Variants in PCDHGB4 observed in about 807,000 individuals in gnomAD.
PCDHGB4 encodes the protein protocadherin gamma-B4.
In PCDHGB4, 38 loss-of-function variants were observed where a neutral mutation model predicts 60.5. The ratio of observed to expected loss-of-function variants is 0.63; its 90% CI spans 0.48 to 0.82. PCDHGB4 has a LOEUF of 0.82. PCDHGB4 is among the 40% of genes least tolerant of loss of function. The pLI, the probability that PCDHGB4 is intolerant of heterozygous loss-of-function variation, is 0.00. For missense variants in PCDHGB4, 1,109 were observed against 1,209.6 expected (o/e 0.92, Z 1.23); for synonymous variants, 456 against 509.7 (o/e 0.89, Z 1.42).
chr5:141,419,877 C>G (rs1272137716), intron 1 of PCDHGB4: 24 of 1,614,062 alleles, frequency 1.5e-5, no homozygotes, highest in Non-Finnish European at 1.9e-5. Flanking sequence ...GAGGTACTGC[C>G]GGATTTCAGC....
At chr5:141,438,710 G>C (rs568772648) in intron 1 of PCDHGB4, among the ~76,000 whole-genome samples, 2 of 147,308 alleles carry the variant, frequency 1.4e-5, no homozygotes, top group South Asian at 4.3e-4. Context: ...ACCCAGGCTG[G>C]AGTGCAAGTG....
chr5:141,396,626 A>G (rs1273835228), intron 1 of PCDHGB4: 1 of 152,182 alleles, frequency 6.6e-6, no homozygotes, highest in African/African-American at 2.4e-5. Flanking sequence ...TCTCAAAAAA[A>G]AAAAAAACTA....
chr5:141,482,890 G>C (rs577635020), intron 1 of PCDHGB4, among the ~76,000 whole-genome samples: 10 of 152,274 alleles, frequency 6.6e-5, no homozygotes, highest in African/African-American at 2.4e-4. Flanking sequence ...TGGCCAACAT[G>C]GTGAAACCTC....
At chr5:141,415,562 CT>C in intron 1 of PCDHGB4, 3 of 1,613,960 alleles carry the variant, frequency 1.9e-6, no homozygotes, top group Non-Finnish European at 1.7e-6. Context: ...GATCCTTTGT[CT>C]TTGTTAGATG....
intron 3 of PCDHGB4, among the ~76,000 whole-genome samples, chr5:141,506,485 A>C (rs2154593953): frequency 6.6e-6 from 1 of 150,572 alleles, no homozygotes; most frequent in East Asian, 2.0e-4. Flanking sequence ...CTTTAGAGGC[A>C]GGCCAATCTG....
At chr5:141,503,309 A>G (rs2099819130) in intron 2 of PCDHGB4, among the ~76,000 whole-genome samples, 1 of 152,034 alleles carries the variant, frequency 6.6e-6, no homozygotes, top group Non-Finnish European at 1.5e-5. Flanking sequence ...TCAAGAAAGA[A>G]TTGTTGGAGG....
intron 1 of PCDHGB4, chr5:141,399,730 T>G: frequency 2.5e-6 from 4 of 1,613,266 alleles, no homozygotes; most frequent in Non-Finnish European, 8.5e-7. Context: ...CGACCAGGGC[T>G]CGCCTGCGCT....
chr5:141,450,675 CG>C (rs2098689980), intron 1 of PCDHGB4, among the ~76,000 whole-genome samples: 1 of 151,614 alleles, frequency 6.6e-6, no homozygotes, highest in Non-Finnish European at 1.5e-5. Flanking sequence ...TTAGTAGAAA[CG>C]GGGTTTTGCC....
At chr5:141,409,847 C>T (rs2095325421) in intron 1 of PCDHGB4, 3 of 1,611,712 alleles carry the variant, frequency 1.9e-6, no homozygotes, top group East Asian at 2.2e-5. Context: ...CGTGAGCCTG[C>T]GCGTGTTGGT....
rs191188858 is a variant in PCDHGB4, at chr5:141,472,077, A to G, written c.2398-22730A>G. On this transcript the variant is annotated intron_variant, in intron 1 of 3. Transcript: ENST00000519479. ...GATTGACATGTCTGTGGTTATATCA[A>G]TGAGTACTATTATTATTCCCATTTT... 2.4e-3 allele frequency among the ~76,000 whole-genome samples: 365 copies of G among 152,346 alleles called. 2 individuals carry two copies. Among genetic ancestry groups the G allele is most frequent in the African/African-American group, 8.4e-3 (351 of 41,580 alleles).
rs933819691 is a variant in PCDHGB4, at chr5:141,388,021, T to G, written c.137T>G (p.Val46Gly). 1 of 1,457,968 alleles carries G rather than the reference T, an allele frequency of 6.9e-7. No homozygotes were observed. Among genetic ancestry groups the G allele is most frequent in the Non-Finnish European group, 9.3e-7 (1 of 1,075,586 alleles). 90.3% of individuals were successfully genotyped at this position (1,457,968 alleles called of 1,614,324 possible). A position where few individuals can be genotyped will look rare whatever the true frequency, so the allele number is the denominator to read the frequency against. Reference protein sequence around the residue: ...RIPEEMPKGSVVGNLATDLGF... With the variant: ...RIPEEMPKGSGVGNLATDLGF... ...CCCGAGGAAATGCCCAAGGGCTCCG[T>G]AGTGGGGAACCTCGCCACGGACCTG... Residue 46 changes from valine (V) to glycine (G), a missense_variant, in exon 1 of 4, where the codon GTA (valine) becomes GGA (glycine). Val to Gly is a moderately radical substitution (Grantham distance 109, BLOSUM62 -3). This residue lies in a region of PCDHGB4 where 41 missense variants were observed against 119.7 expected (regional missense o/e 0.34). Coordinates refer to ENST00000519479, the MANE Select transcript of PCDHGB4 (RefSeq NM_003736.4).
intron 1 of PCDHGB4, among the ~76,000 whole-genome samples, chr5:141,473,965 A>C (rs925515548): frequency 1.1e-4 from 16 of 152,206 alleles, no homozygotes; most frequent in African/African-American, 3.9e-4. Flanking sequence ...TCTACTTAGA[A>C]GTCTGAGGCG....
At chr5:141,507,450 CAGAG>C (rs940460926) in intron 3 of PCDHGB4, among the ~76,000 whole-genome samples, 1 of 152,170 alleles carries the variant, frequency 6.6e-6, no homozygotes, top group African/African-American at 2.4e-5. Flanking sequence ...GACGGAAGGA[CAGAG>C]AGAGAGGTGG....
rs1389786201 is a variant in PCDHGB4, at chr5:141,486,949, G to A, written c.2398-7858G>A. 4 of 1,614,224 alleles carry A rather than the reference G, an allele frequency of 2.5e-6. No individual in the cohort carries two copies. Among genetic ancestry groups the A allele is most frequent in the African/African-American group, 2.7e-5 (2 of 75,064 alleles). ...TTGGTGCTGGCCACCTAATCACAAA[G>A]GTGACTGCTGTGGACTTGGATTCAG... On this transcript the variant is annotated intron_variant, in intron 1 of 3. Coordinates refer to ENST00000519479, the MANE Select transcript of PCDHGB4 (RefSeq NM_003736.4). The surrounding 1 kb of genome is among the most constrained non-coding windows in gnomAD (Gnocchi z 5.0).
At chr5:141,425,111 A>C (rs2096857405) in intron 1 of PCDHGB4, among the ~76,000 whole-genome samples, 1 of 152,144 alleles carries the variant, frequency 6.6e-6, no homozygotes, top group Non-Finnish European at 1.5e-5. Flanking sequence ...AGATGCCTAC[A>C]TTTTTCTTGA....
At chr5:141,510,627 G>C (rs2099881988) in intron 3 of PCDHGB4, among the ~76,000 whole-genome samples, 2 of 152,090 alleles carry the variant, frequency 1.3e-5, no homozygotes, top group South Asian at 2.1e-4. Context: ...AACCAGAAGA[G>C]GTGGTTACCA....
chr5:141,510,239 C>T (rs2099880022), intron 3 of PCDHGB4, among the ~76,000 whole-genome samples: 1 of 150,434 alleles, frequency 6.6e-6, no homozygotes, highest in Non-Finnish European at 1.5e-5. Flanking sequence ...CGCCACTGCA[C>T]TCCAGGCTGG....
intron 1 of PCDHGB4, chr5:141,428,251 T>C (rs761574102): frequency 1.1e-5 from 10 of 893,496 alleles, no homozygotes; most frequent in Middle Eastern, 2.1e-4. Flanking sequence ...ACTGCCAGAC[T>C]TCAGTGACAG....
At chr5:141,406,650 C>T (rs2094835563) in intron 1 of PCDHGB4, among the ~76,000 whole-genome samples, 1 of 152,130 alleles carries the variant, frequency 6.6e-6, no homozygotes, top group Non-Finnish European at 1.5e-5. Context: ...TTTCCTAATG[C>T]TTTAATGTTA....
Sources: allele counts gnomAD v4.1 joint callset (sites outside exome capture counted in the v4.1 genomes callset), GRCh38; gene constraint gnomAD v4.1.1; regional missense constraint gnomAD v4.1.1; non-coding constraint Gnocchi (gnomAD v3.1); transcripts MANE v1.5; gene names NCBI Gene and HGNC (gene_info 2026-07-23, HGNC 2026-07-21).